CDK14: variants seen among roughly 807,000 people sequenced by gnomAD.
CDK14 encodes the protein cyclin dependent kinase 14.
Under a neutral mutation model 60.7 loss-of-function variants are expected in CDK14, and 34 were observed. That is an observed-to-expected ratio of 0.56 (90% confidence interval 0.43 to 0.75). CDK14 has a LOEUF of 0.75. Ranked by LOEUF, CDK14 falls within the 30% of genes least tolerant of loss-of-function variation. CDK14 has a pLI of 0.00. For synonymous variants in CDK14, 197 were observed against 203.7 expected, an observed-to-expected ratio of 0.97 and a Z score of 0.28; for missense variants, 482 against 564.1, an observed-to-expected ratio of 0.85 and a Z score of 1.47.
At chr7:90,814,778 A>T (rs1335416806) in intron 5 of CDK14, among the ~76,000 whole-genome samples, 1 of 152,228 alleles carries the variant, frequency 6.6e-6, no homozygotes, top group East Asian at 1.9e-4. Context: ...TCCATCTCAA[A>T]AGAAACAAAC....
intron 3 of CDK14, among the ~76,000 whole-genome samples, chr7:90,742,279 G>GT (rs1460954043): frequency 2.6e-5 from 4 of 151,842 alleles, no homozygotes; most frequent in East Asian, 1.9e-4. Flanking sequence ...TTGTGTCTTA[G>GT]TTTTTTTGTA....
rs369368383 is a variant in CDK14 at position 90,694,156 on chromosome 7, T to C, written c.124-32411T>C. 4.6e-5 allele frequency among the ~76,000 whole-genome samples: 7 copies of C among 152,288 alleles called. No individual in the cohort carries two copies. In the East Asian group the frequency reaches 1.2e-3, roughly 25 times the overall value. ...TTAGGGCTTGGCACTGTGCCTGATG[T>C]GTAGGTGTTCATTATATGATTTTGT... On this transcript the variant is annotated intron_variant, in intron 2 of 14. Transcript: ENST00000380050.
intron 14 of CDK14, among the ~76,000 whole-genome samples, chr7:91,123,003 T>C (rs1799829600): frequency 6.6e-6 from 1 of 152,128 alleles, no homozygotes; most frequent in Non-Finnish European, 1.5e-5. Flanking sequence ...TTGGAGAAGG[T>C]TTTGGAAAGC....
intron 2 of CDK14, among the ~76,000 whole-genome samples, chr7:90,651,974 G>A (rs1478401114): frequency 6.6e-6 from 1 of 152,106 alleles, no homozygotes; most frequent in African/African-American, 2.4e-5. Context: ...GTTCCTGCTT[G>A]CCTGAGTGCC....
Position 90,772,348 on chromosome 7 carries a change from T to A in CDK14, c.465-18225T>A, listed in dbSNP as rs117464947. 4.3e-3 allele frequency among the ~76,000 whole-genome samples: 653 copies of A among 152,292 alleles called. 2 individuals are homozygous for A. Among genetic ancestry groups the A allele is most frequent in the Non-Finnish European group, 7.3e-3 (494 of 68,026 alleles). ...ATTATGAAAGAAATAAGTGTTGGGA[T>A]CATTTTCCTTACAAGGAAGGTGTGT... On this transcript the variant is annotated intron_variant, in intron 4 of 14. Coordinates refer to ENST00000380050, the MANE Select transcript of CDK14 (RefSeq NM_001287135.2).
At chr7:90,951,179 C>G (rs1262127314) in intron 8 of CDK14, among the ~76,000 whole-genome samples, 1 of 152,076 alleles carries the variant, frequency 6.6e-6, no homozygotes, top group Non-Finnish European at 1.5e-5. Flanking sequence ...ATTATCCAAG[C>G]ATTTTATGTC....
At chr7:90,973,931 T>C (rs1376208816) in intron 9 of CDK14, among the ~76,000 whole-genome samples, 1 of 152,076 alleles carries the variant, frequency 6.6e-6, no homozygotes. Context: ...CCGGTCTGAC[T>C]AGAATTCACC....
chr7:90,672,502 G>GTTTT (rs201978996), intron 2 of CDK14, among the ~76,000 whole-genome samples: 11 of 49,994 alleles, frequency 2.2e-4, no homozygotes, highest in Admixed American at 3.6e-4. Context: ...TTCTTCTTCT[G>GTTTT]TTTTTTTTTT....
At chr7:91,023,723 A>G (rs1236681014) in intron 10 of CDK14, among the ~76,000 whole-genome samples, 1 of 152,140 alleles carries the variant, frequency 6.6e-6, no homozygotes, top group Non-Finnish European at 1.5e-5. Context: ...TCATTATCCC[A>G]TATTCCATAA....
At chr7:90,638,826 G>T (rs1034824538) in intron 2 of CDK14, among the ~76,000 whole-genome samples, 1 of 151,422 alleles carries the variant, frequency 6.6e-6, no homozygotes. Context: ...GGCTTTGTTC[G>T]TTTCTTTTTA....
chr7:91,204,016 T>C (rs1802804807), intron 14 of CDK14, among the ~76,000 whole-genome samples: 2 of 152,140 alleles, frequency 1.3e-5, no homozygotes. Flanking sequence ...GTGACTTCTT[T>C]AAGAAGAGGT....
At chr7:90,952,491 T>G (rs1794293231) in intron 8 of CDK14, among the ~76,000 whole-genome samples, 1 of 152,150 alleles carries the variant, frequency 6.6e-6, no homozygotes, top group Non-Finnish European at 1.5e-5. Context: ...ATTATCCCTT[T>G]TACTCTGGGG....
chr7:90,836,980 A>C (rs1790123806), intron 5 of CDK14, among the ~76,000 whole-genome samples: 1 of 152,240 alleles, frequency 6.6e-6, no homozygotes, highest in African/African-American at 2.4e-5. Flanking sequence ...TTTGCATCAC[A>C]GATTCTTTTG....
intron 10 of CDK14, among the ~76,000 whole-genome samples, chr7:90,998,389 A>G (rs1037992498): frequency 3.3e-5 from 5 of 152,212 alleles, no homozygotes; most frequent in Non-Finnish European, 5.9e-5. Context: ...CACAAAATCC[A>G]TTCTTTTTTT....
intron 3 of CDK14, among the ~76,000 whole-genome samples, chr7:90,737,377 T>G (rs750289217): frequency 4.6e-5 from 7 of 152,244 alleles, no homozygotes; most frequent in Non-Finnish European, 1.0e-4. Flanking sequence ...CTATATCCCA[T>G]GATAGGCAGG....
chr7:90,938,656 A>G (rs1793825173), intron 8 of CDK14, among the ~76,000 whole-genome samples: 2 of 152,220 alleles, frequency 1.3e-5, no homozygotes, highest in Non-Finnish European at 2.9e-5. Context: ...AACTATTTTT[A>G]GAAAAAGTGT....
At chr7:90,788,202 A>C (rs1160817363) in intron 4 of CDK14, among the ~76,000 whole-genome samples, 1 of 152,160 alleles carries the variant, frequency 6.6e-6, no homozygotes, top group Non-Finnish European at 1.5e-5. Flanking sequence ...AATGAGGGGA[A>C]AATTCCAAGC....
chr7:91,034,274 GT>G (rs1270606905), intron 10 of CDK14, among the ~76,000 whole-genome samples: 2 of 152,210 alleles, frequency 1.3e-5, no homozygotes, highest in Non-Finnish European at 2.9e-5. Flanking sequence ...CACTGAGGAG[GT>G]TTAGAAAATT....
At chr7:90,706,461 A>G (rs140465990) in intron 2 of CDK14, among the ~76,000 whole-genome samples, 85 of 152,258 alleles carry the variant, frequency 5.6e-4, no homozygotes, top group Middle Eastern at 6.8e-3. Context: ...GTGCTGTCCT[A>G]GGGGCTGGGG....
Sources: allele counts gnomAD v4.1 joint callset (sites outside exome capture counted in the v4.1 genomes callset), GRCh38; gene constraint gnomAD v4.1.1; transcripts MANE v1.5; gene names NCBI Gene and HGNC (gene_info 2026-07-23, HGNC 2026-07-21).